Variants in NBDY observed in about 807,000 individuals in gnomAD.
NBDY encodes P-body dissociating protein.
At chrX:56,735,565 C>T (rs2069484102) in intron 2 of NBDY, among the ~76,000 whole-genome samples, 1 of 111,599 alleles carries the variant, frequency 9.0e-6, no homozygotes, top group African/African-American at 3.3e-5. Flanking sequence ...AGGGTCAGAG[C>T]CCAGCCTCCC....
chrX:56,818,312 T>C lies in NBDY; in HGVS notation c.*1159T>C, dbSNP rs1266484105. On this transcript the variant is annotated 3_prime_UTR_variant, in exon 3 of 3. Coordinates refer to ENST00000374922, the MANE Select transcript of NBDY (RefSeq NM_001348129.2). The stretch of plus-strand genomic sequence containing the variant: ...GAATATTTAGAGAGATTGTGAAACC[T>C]GAGTATTTTACCCAATCCTCTGAAA... 1 of 112,116 alleles carries C rather than the reference T, an allele frequency of 8.9e-6. No homozygotes were observed. Among genetic ancestry groups the C allele is most frequent in the Non-Finnish European group, 1.9e-5 (1 of 53,205 alleles). 9.2% of individuals were successfully genotyped at this position (112,116 alleles called of 1,213,427 possible). A position where few individuals can be genotyped will look rare whatever the true frequency, so the allele number is the denominator to read the frequency against.
In NBDY at chrX:56,739,483, A is replaced by AAT. The variant is rs754772077; in HGVS notation, c.*166+7295_*166+7296dup. Among the ~76,000 whole-genome samples, 5 of 106,723 alleles carry AAT rather than the reference A, an allele frequency of 4.7e-5. No individual in the cohort carries two copies. In the East Asian group the frequency reaches 8.9e-4, roughly 19 times the overall value. 92.7% of individuals were successfully genotyped at this position (106,723 alleles called of 115,157 possible). ...AAGCCAGGAACCATGGACAAAAACC[A>AAT]ATATATATATATCACAATATCACAC... On this transcript the variant is annotated intron_variant, in intron 2 of 2. Transcript: ENST00000374922.
chrX:56,811,804 GA>G lies in NBDY; in HGVS notation c.*167-5507del, dbSNP rs1009528717. ...GGACTTCTGAGTGCCACTGAGGCATGAAAAAAAAACAACTTTTGTGGCTAGC... is the reference window on the plus strand; with the variant it reads ...GGACTTCTGAGTGCCACTGAGGCATGAAAAAAAACAACTTTTGTGGCTAGC... On this transcript the variant is annotated intron_variant, in intron 2 of 2. Coordinates refer to ENST00000374922, the MANE Select transcript of NBDY (RefSeq NM_001348129.2). Among the ~76,000 whole-genome samples, 349 of 109,005 alleles carry G rather than the reference GA, an allele frequency of 3.2e-3. 1 individual carries two copies. Among genetic ancestry groups the G allele is most frequent in the Non-Finnish European group, 5.0e-3 (258 of 52,094 alleles). 94.7% of individuals were successfully genotyped at this position (109,005 alleles called of 115,157 possible).
chrX:56,760,255 C>T (rs2069631664), intron 2 of NBDY, among the ~76,000 whole-genome samples: 1 of 113,320 alleles, frequency 8.8e-6, no homozygotes, highest in South Asian at 3.6e-4. Context: ...GGCAAGTTTC[C>T]TTGCAGCCTG....
chrX:56,734,549 T>G (rs2146711361), intron 2 of NBDY, among the ~76,000 whole-genome samples: 1 of 112,141 alleles, frequency 8.9e-6, no homozygotes, highest in Non-Finnish European at 1.9e-5. Flanking sequence ...GATTTTAATG[T>G]TGGCAGTTTT....
intron 2 of NBDY, among the ~76,000 whole-genome samples, chrX:56,781,731 C>G (rs1358082868): frequency 8.9e-6 from 1 of 112,113 alleles, no homozygotes; most frequent in Non-Finnish European, 1.9e-5. Flanking sequence ...TTAAGGAAAA[C>G]AGGCTTACTG....
intron 2 of NBDY, among the ~76,000 whole-genome samples, chrX:56,784,014 A>G (rs898728709): frequency 3.6e-5 from 4 of 111,156 alleles, no homozygotes; most frequent in Non-Finnish European, 1.9e-5. Flanking sequence ...AGAGGAGCCT[A>G]TCCTCAATAC....
chrX:56,739,284 T>TTATATATA (rs58094616), intron 2 of NBDY, among the ~76,000 whole-genome samples: 1 of 75,011 alleles, frequency 1.3e-5, no homozygotes, highest in African/African-American at 5.5e-5. Context: ...ATATATATTT[T>TTATATATA]TATATATATA....
chrX:56,734,147 A>G (rs1042007409), intron 2 of NBDY, among the ~76,000 whole-genome samples: 3 of 112,389 alleles, frequency 2.7e-5, no homozygotes, highest in Non-Finnish European at 5.6e-5. Flanking sequence ...TTCCATCACT[A>G]ACATTTTGGT....
intron 2 of NBDY, among the ~76,000 whole-genome samples, chrX:56,762,124 C>G (rs1010429540): frequency 9.0e-6 from 1 of 111,425 alleles, no homozygotes; most frequent in African/African-American, 3.3e-5. Flanking sequence ...TCACTGTTGT[C>G]TCTTTGTCAC....
intron 2 of NBDY, among the ~76,000 whole-genome samples, chrX:56,815,808 CAG>C (rs773275320): frequency 2.1e-4 from 24 of 111,644 alleles, no homozygotes; most frequent in African/African-American, 7.4e-4. Context: ...TAACAACAAA[CAG>C]AAAGAGTTAC....
intron 2 of NBDY, among the ~76,000 whole-genome samples, chrX:56,784,550 A>C (rs773496635): frequency 8.9e-6 from 1 of 111,993 alleles, no homozygotes; most frequent in Non-Finnish European, 1.9e-5. Flanking sequence ...CATCTTGGTC[A>C]TTCTGCATAA....
chrX:56,815,212 A>G (rs1179536966), intron 2 of NBDY, among the ~76,000 whole-genome samples: 2 of 111,931 alleles, frequency 1.8e-5, no homozygotes, highest in Non-Finnish European at 3.8e-5. Flanking sequence ...TTAAACCAAA[A>G]TACAGTATAG....
chrX:56,744,864 A>C (rs765635496), intron 2 of NBDY, among the ~76,000 whole-genome samples: 1 of 111,859 alleles, frequency 8.9e-6, no homozygotes, highest in Admixed American at 9.5e-5. Context: ...ACAGTAATAA[A>C]ATAGAACAAT....
At chrX:56,789,616 C>T (rs1019821732) in intron 2 of NBDY, among the ~76,000 whole-genome samples, 1 of 111,440 alleles carries the variant, frequency 9.0e-6, no homozygotes, top group Non-Finnish European at 1.9e-5. Context: ...GGAGTTGGGT[C>T]GGATGTTTGT....
chrX:56,744,369 T>A (rs928847775), intron 2 of NBDY, among the ~76,000 whole-genome samples: 5 of 111,674 alleles, frequency 4.5e-5, no homozygotes, highest in Non-Finnish European at 7.5e-5. Context: ...AGATTAAGTG[T>A]GATGTTTCTT....
intron 2 of NBDY, among the ~76,000 whole-genome samples, chrX:56,784,341 C>T (rs1414958506): frequency 9.0e-6 from 1 of 111,683 alleles, no homozygotes; most frequent in Non-Finnish European, 1.9e-5. Flanking sequence ...TGGGATGGGA[C>T]TGGACTGGAA....
chrX:56,780,965 C>T (rs1316824568), intron 2 of NBDY, among the ~76,000 whole-genome samples: 2 of 109,082 alleles, frequency 1.8e-5, no homozygotes, highest in East Asian at 5.8e-4. Context: ...TAACTCCCAT[C>T]ACATCTCAAC....
At chrX:56,791,970 C>CT (rs1200966943) in intron 2 of NBDY, among the ~76,000 whole-genome samples, 11 of 107,717 alleles carry the variant, frequency 1.0e-4, no homozygotes, top group Non-Finnish European at 1.7e-4. Flanking sequence ...TCCTCTGTCT[C>CT]TTTTTTTTTC....
Sources: gnomAD v4.1 joint callset for allele counts (sites outside exome capture counted in the v4.1 genomes callset) on GRCh38, gnomAD v4.1.1 for gene constraint, MANE v1.5 for transcripts, NCBI Gene and HGNC (gene_info 2026-07-23, HGNC 2026-07-21) for gene names.